CXXC5: variants seen among roughly 807,000 people sequenced by gnomAD.
The protein encoded by CXXC5 is CXXC finger protein 5.
In CXXC5, 2 loss-of-function variants were observed where a neutral mutation model predicts 17.6. The ratio of observed to expected loss-of-function variants is 0.11; its 90% confidence interval spans 0.05 to 0.36. The LOEUF is 0.36. CXXC5 is among the 10% of genes least tolerant of loss of function. The pLI, the probability that CXXC5 is intolerant of heterozygous loss-of-function variation, is 1.00. For missense variants in CXXC5, 343 were observed against 458.3 expected (o/e 0.75, Z 2.30); for synonymous variants, 171 against 193.0 (o/e 0.89, Z 0.94).
At chr5:139,678,124 G>T (rs1277446077) in intron 1 of CXXC5, among the ~76,000 whole-genome samples, 2 of 152,342 alleles carry the variant, frequency 1.3e-5, no homozygotes, top group Non-Finnish European at 1.5e-5. Flanking sequence ...TGGGCTGCCG[G>T]GGTTGTCGTC....
rs756724252 is a variant in CXXC5, at chr5:139,680,754, C to A, written c.231C>A (p.Arg77=). The A allele has an allele frequency of 1.2e-6, 2 of 1,613,438 alleles. No individual in the cohort carries two copies. Among genetic ancestry groups the A allele is most frequent in the Admixed American group, 1.7e-5 (1 of 60,000 alleles). ...EPLNKSLRRS[R]PLSHYSSFGS... ...TCAACAAGAGCCTGCGCCGCTCCCG[C>A]CCGCTCTCCCACTACTCTTCTTTTG... The change falls in exon 2 of 3, where the codon CGC becomes CGA. Residue 77 remains arginine (R), a synonymous_variant. Transcript: ENST00000302517.
Position 139,681,316 on chromosome 5 carries a change from A to G in CXXC5, c.793A>G (p.Met265Val), listed in dbSNP as rs1757220309. The change falls in exon 2 of 3, where the codon ATG (methionine) becomes GTG (valine). Residue 265 changes from methionine (M) to valine (V), a missense_variant. Met to Val is a conservative substitution (Grantham distance 21). Around this residue, in one of 4 missense-constraint regions of CXXC5, gnomAD observed 21 missense variants for 41.0 expected, o/e 0.51. Transcript: ENST00000302517. ...CAAGAAGAAGCGGAAACGCTGCGGC[A>G]TGTGCGCGCCCTGCCGGCGGCGCAT... ...SGKKKRKRCGMCAPCRRRINC... is the reference protein window; with the variant it reads ...SGKKKRKRCGVCAPCRRRINC... The G allele has an allele frequency of 1.2e-6, 2 of 1,612,870 alleles. No individual in the cohort carries two copies. Among genetic ancestry groups the G allele is most frequent in the Non-Finnish European group, 1.7e-6 (2 of 1,179,950 alleles).
intron 1 of CXXC5, among the ~76,000 whole-genome samples, chr5:139,659,836 C>T (rs1309438974): frequency 5.3e-5 from 8 of 152,204 alleles, no homozygotes; most frequent in Non-Finnish European, 1.2e-4. Context: ...TGCTTTCTCC[C>T]ACTGCCCACC....
rs60453221 is a variant in CXXC5 at position 139,652,169 on chromosome 5, CGCGT to C, written c.-161+3326_-161+3329del. ...GCCGGCGCGCGCGCGCGCGCGCGCG[CGCGT>C]GTGTGTGTGTGTGTGTGTGTGTGGC... On this transcript the variant is annotated intron_variant, in intron 1 of 2. Coordinates refer to ENST00000302517, the MANE Select transcript of CXXC5 (RefSeq NM_016463.9). Among the ~76,000 whole-genome samples the C allele has an allele frequency of 9.5e-3, 1,330 of 139,952 alleles. 23 individuals carry two copies. The highest frequency in any genetic ancestry group is 0.089 in the East Asian group (406 of 4,562). 91.8% of individuals were successfully genotyped at this position (139,952 alleles called of 152,430 possible).
chr5:139,652,159 CG>C (rs1755231374), intron 1 of CXXC5, among the ~76,000 whole-genome samples: 2 of 126,644 alleles, frequency 1.6e-5, no homozygotes, highest in Non-Finnish European at 3.4e-5. Flanking sequence ...CGCGCGCGCG[CG>C]CGCGCGCGCG....
Position 139,680,959 on chromosome 5 carries a change from A to G in CXXC5, c.436A>G (p.Ser146Gly). 1 of 1,601,876 alleles carries G rather than the reference A, an allele frequency of 6.2e-7. No homozygotes were observed. Among genetic ancestry groups the G allele is most frequent in the Non-Finnish European group, 8.5e-7 (1 of 1,179,928 alleles). ...HKSGAVASLL[S>G]KAERATELAA... ...AAGTGGTGCTGTGGCCAGCCTGCTGAGCAAGGCAGAGCGGGCCACGGAGCT... is the reference window on the plus strand; with the variant it reads ...AAGTGGTGCTGTGGCCAGCCTGCTGGGCAAGGCAGAGCGGGCCACGGAGCT... The change falls in exon 2 of 3, where the codon AGC (serine) becomes GGC (glycine). Residue 146 changes from serine (S) to glycine (G), a missense_variant. This residue lies in a region of CXXC5 where 297 missense variants were observed against 363.4 expected (regional missense o/e 0.82). Transcript: ENST00000302517.
intron 1 of CXXC5, among the ~76,000 whole-genome samples, chr5:139,652,165 CGCGCGCGT>C (rs1431714287): frequency 2.1e-5 from 3 of 139,616 alleles, no homozygotes; most frequent in African/African-American, 5.6e-5. Context: ...CGCGCGCGCG[CGCGCGCGT>C]GTGTGTGTGT....
intron 1 of CXXC5, among the ~76,000 whole-genome samples, chr5:139,665,995 G>A (rs891630584): frequency 6.6e-6 from 1 of 152,232 alleles, no homozygotes; most frequent in Admixed American, 6.5e-5. Context: ...AAATAGACCA[G>A]TTCTTCCAAA....
intron 1 of CXXC5, among the ~76,000 whole-genome samples, chr5:139,666,409 A>G (rs1419513556): frequency 6.6e-6 from 1 of 152,154 alleles, no homozygotes; most frequent in Non-Finnish European, 1.5e-5. Flanking sequence ...CTCAGGGTAC[A>G]CAGAGACCCC....
intron 1 of CXXC5, among the ~76,000 whole-genome samples, chr5:139,652,298 C>T (rs191056818): frequency 2.0e-5 from 3 of 152,100 alleles, no homozygotes; most frequent in Admixed American, 6.5e-5. Context: ...TCCCCCGTTA[C>T]TCACGCGCTA....
chr5:139,672,503 T>G (rs1407773810), intron 1 of CXXC5, among the ~76,000 whole-genome samples: 2 of 152,236 alleles, frequency 1.3e-5, no homozygotes, highest in Non-Finnish European at 2.9e-5. Flanking sequence ...TCACCTCTTC[T>G]ACGGTTCAGT....
intron 1 of CXXC5, among the ~76,000 whole-genome samples, chr5:139,650,480 G>C (rs1040370939): frequency 6.6e-6 from 1 of 152,226 alleles, no homozygotes; most frequent in Admixed American, 6.5e-5. Context: ...CCCCGCCGGA[G>C]CCGCCCCAGG....
chr5:139,650,517 A>G (rs1162293557), intron 1 of CXXC5, among the ~76,000 whole-genome samples: 1 of 152,092 alleles, frequency 6.6e-6, no homozygotes, highest in Non-Finnish European at 1.5e-5. Context: ...GTCCCTTTCA[A>G]GTTTTCCGCT....
At position 139,680,787 on chromosome 5, in the gene CXXC5, T is replaced by C; in HGVS notation, c.264T>C (p.Ser88=). The change falls in exon 2 of 3, where the codon AGT becomes AGC. Residue 88 remains serine, a synonymous_variant. Transcript: ENST00000302517. ...PLSHYSSFGS[S]GGSGGGSMMG... is the part of the protein sequence containing the mutation. Reference sequence around the variant, plus strand: ...CCCACTACTCTTCTTTTGGCAGCAGTGGTGGTAGTGGCGGTGGCAGCATGA... The same window carrying C: ...CCCACTACTCTTCTTTTGGCAGCAGCGGTGGTAGTGGCGGTGGCAGCATGA... The C allele has an allele frequency of 6.2e-7, 1 of 1,613,312 alleles. No homozygotes were observed. Among genetic ancestry groups the C allele is most frequent in the Non-Finnish European group, 8.5e-7 (1 of 1,180,006 alleles).
rs757935649 is a variant in CXXC5 at position 139,680,939 on chromosome 5, G to C, written c.416G>C (p.Gly139Ala). The C allele has an allele frequency of 6.2e-7, 1 of 1,601,876 alleles. No individual in the cohort carries two copies. The highest frequency in any genetic ancestry group is 8.5e-7 in the Non-Finnish European group (1 of 1,179,946). Residue 139 changes from glycine (G) to alanine (A), a missense_variant, in exon 2 of 3, where the codon GGT becomes GCT. This residue lies in a region of CXXC5 where 297 missense variants were observed against 363.4 expected (regional missense o/e 0.82). Coordinates refer to ENST00000302517, the MANE Select transcript of CXXC5 (RefSeq NM_016463.9). ...KSNPTSKHKS[G>A]AVASLLSKAE... ...AACCCTACCTCAAAGCACAAAAGTG[G>C]TGCTGTGGCCAGCCTGCTGAGCAAG... is the stretch of plus-strand genomic sequence containing the variant.
intron 1 of CXXC5, among the ~76,000 whole-genome samples, chr5:139,653,722 G>A (rs1208120378): frequency 6.6e-6 from 1 of 152,170 alleles, no homozygotes. Flanking sequence ...ACATCTTGGG[G>A]TGTCAGTGCC....
In CXXC5 at chr5:139,661,702, G is replaced by A. The variant is rs1390466939; in HGVS notation, c.-161+12857G>A. ...GGCCAGGGCACTGGCACACACAGGC[G>A]CAGCTGCTGTGGTCAGGGCTCTGTT... On this transcript the variant is annotated intron_variant, in intron 1 of 2. Coordinates refer to ENST00000302517, the MANE Select transcript of CXXC5 (RefSeq NM_016463.9). This position sits in a 1 kb window ranked among gnomAD's most constrained non-coding sequence, Gnocchi z 4.7. 2.0e-5 allele frequency among the ~76,000 whole-genome samples: 3 copies of A among 152,374 alleles called. No homozygotes were observed. Among genetic ancestry groups the A allele is most frequent in the South Asian group, 2.1e-4 (1 of 4,828 alleles).
At chr5:139,647,478 C>G (rs1236092637), upstream of CXXC5, 1 of 152,264 alleles carries the variant, frequency 6.6e-6, no homozygotes, top group Non-Finnish European at 1.5e-5. Flanking sequence ...ATTAATTAGC[C>G]TAAGATGGGC....
At chr5:139,649,982 T>C (rs887872710) in intron 1 of CXXC5, among the ~76,000 whole-genome samples, 2 of 152,204 alleles carry the variant, frequency 1.3e-5, no homozygotes, top group African/African-American at 4.8e-5. Flanking sequence ...ATTTGTAGGA[T>C]CGACGGAAAG....
Sources: gnomAD v4.1 joint callset for allele counts (sites outside exome capture counted in the v4.1 genomes callset) on GRCh38, gnomAD v4.1.1 for gene constraint, gnomAD v4.1.1 regional missense constraint, Gnocchi (gnomAD v3.1) non-coding constraint, MANE v1.5 for transcripts, NCBI Gene and HGNC (gene_info 2026-07-23, HGNC 2026-07-21) for gene names.